TMTC2: variants seen among roughly 807,000 people sequenced by gnomAD.
The protein encoded by TMTC2 is protein O-mannosyl-transferase TMTC2.
A neutral mutation model predicts 82.4 loss-of-function variants in TMTC2; 43 were observed. That is an observed-to-expected ratio of 0.52 (90% CI 0.41 to 0.67). The LOEUF (loss-of-function observed/expected upper bound fraction) is 0.67. Ranked by LOEUF, TMTC2 falls within the 30% of genes least tolerant of loss-of-function variation. TMTC2 has a pLI of 0.00. For missense variants in TMTC2, 919 were observed against 1,012.4 expected, an observed-to-expected ratio of 0.91 and a Z score of 1.25; for synonymous variants, 408 against 381.9, an observed-to-expected ratio of 1.07 and a Z score of -0.80.
At chr12:83,079,596 T>G (rs1045101363) in intron 11 of TMTC2, among the ~76,000 whole-genome samples, 2 of 152,132 alleles carry the variant, frequency 1.3e-5, no homozygotes, top group Non-Finnish European at 2.9e-5. Context: ...ATCAGCAAAT[T>G]AGACAGACCA....
chr12:82,691,239 A>G (rs914858032), intron 1 of TMTC2, among the ~76,000 whole-genome samples: 1 of 152,154 alleles, frequency 6.6e-6, no homozygotes, highest in Non-Finnish European at 1.5e-5. Flanking sequence ...CTGAAAATTT[A>G]TTTTCTTATT....
At chr12:82,976,515 A>G (rs1054835908) in intron 7 of TMTC2, among the ~76,000 whole-genome samples, 1 of 152,084 alleles carries the variant, frequency 6.6e-6, no homozygotes, top group Non-Finnish European at 1.5e-5. Flanking sequence ...AGAGTTGTAT[A>G]TTGAATCTTT....
chr12:82,763,519 C>G (rs1224563162), intron 1 of TMTC2, among the ~76,000 whole-genome samples: 1 of 152,174 alleles, frequency 6.6e-6, no homozygotes, highest in Non-Finnish European at 1.5e-5. Flanking sequence ...ATACCCAGCT[C>G]TGGTCTTTTA....
At chr12:82,938,865 T>C (rs889028030) in intron 4 of TMTC2, among the ~76,000 whole-genome samples, 1 of 152,210 alleles carries the variant, frequency 6.6e-6, no homozygotes, top group Admixed American at 6.5e-5. Flanking sequence ...CTCATGTCCT[T>C]TTCCTCCTCT....
intron 3 of TMTC2, among the ~76,000 whole-genome samples, chr12:82,914,344 A>G (rs760089449): frequency 2.0e-5 from 3 of 151,928 alleles, no homozygotes; most frequent in Non-Finnish European, 4.4e-5. Flanking sequence ...TCTTTTCTCT[A>G]GTATTTACTT....
At chr12:82,842,350 G>T (rs542248030) in intron 1 of TMTC2, among the ~76,000 whole-genome samples, 1 of 152,146 alleles carries the variant, frequency 6.6e-6, no homozygotes, top group East Asian at 1.9e-4. Context: ...GCCCCATTGA[G>T]TGATTCAAAT....
chr12:82,927,678 A>G (rs1340416918), intron 3 of TMTC2, among the ~76,000 whole-genome samples: 1 of 152,204 alleles, frequency 6.6e-6, no homozygotes, highest in Non-Finnish European at 1.5e-5. Flanking sequence ...ATGTTGTCTT[A>G]TTTTAAGAAA....
At position 82,896,702 on chromosome 12, in the gene TMTC2, A is replaced by G. The variant is rs866290626; in HGVS notation, c.1483+56A>G. The G allele has an allele frequency of 4.3e-5, 60 of 1,389,102 alleles. 1 individual carries two copies. The Middle Eastern group carries it at 5.0e-3, about 116-fold the overall frequency. 86.0% of individuals were successfully genotyped at this position (1,389,102 alleles called of 1,614,324 possible). ...TAGTTTACACTTTCAGCCTCTTTAT[A>G]TCTTTGCTTCTTGTCTTAAAACACA... On this transcript the variant is annotated intron_variant, in intron 3 of 11. Transcript: ENST00000321196.
At chr12:82,881,346 C>A (rs918133025) in intron 2 of TMTC2, among the ~76,000 whole-genome samples, 14 of 152,284 alleles carry the variant, frequency 9.2e-5, no homozygotes, top group South Asian at 2.1e-4. Flanking sequence ...TGTGTATTAA[C>A]TTTCCGACAT....
chr12:82,864,892 C>T (rs1173315602), intron 2 of TMTC2, among the ~76,000 whole-genome samples: 1 of 151,500 alleles, frequency 6.6e-6, no homozygotes, highest in African/African-American at 2.4e-5. Context: ...TATTATTCTA[C>T]AGTCCTCATA....
intron 3 of TMTC2, among the ~76,000 whole-genome samples, chr12:82,908,909 C>G (rs960156791): frequency 1.3e-5 from 2 of 152,042 alleles, no homozygotes; most frequent in African/African-American, 4.8e-5. Context: ...TCAATTGGTA[C>G]AATGTTACAC....
chr12:83,120,090 AT>A (rs1327805990), intron 11 of TMTC2, among the ~76,000 whole-genome samples: 2 of 152,196 alleles, frequency 1.3e-5, no homozygotes, highest in African/African-American at 2.4e-5. Context: ...ACATTCTGCA[AT>A]TCTGTATCTT....
intron 1 of TMTC2, among the ~76,000 whole-genome samples, chr12:82,771,522 T>A (rs1338564505): frequency 6.6e-6 from 1 of 152,210 alleles, no homozygotes; most frequent in Admixed American, 6.5e-5. Flanking sequence ...TTTTTTTAAC[T>A]GCTTAGTCAC....
At chr12:82,719,361 G>T (rs922367619) in intron 1 of TMTC2, among the ~76,000 whole-genome samples, 1 of 151,736 alleles carries the variant, frequency 6.6e-6, no homozygotes, top group South Asian at 2.1e-4. Context: ...CAAAGTGCTG[G>T]GATTGCAGGC....
intron 1 of TMTC2, among the ~76,000 whole-genome samples, chr12:82,793,985 T>G (rs1878586947): frequency 6.6e-6 from 1 of 152,130 alleles, no homozygotes; most frequent in Non-Finnish European, 1.5e-5. Flanking sequence ...CAATATCAAC[T>G]GCTTTGTGCC....
chr12:82,877,968 T>C (rs952500870), intron 2 of TMTC2, among the ~76,000 whole-genome samples: 5 of 152,190 alleles, frequency 3.3e-5, no homozygotes, highest in African/African-American at 1.2e-4. Flanking sequence ...GAACCCCCAC[T>C]CTATATTGTT....
At chr12:82,744,249 C>A (rs1205277549) in intron 1 of TMTC2, among the ~76,000 whole-genome samples, 1 of 152,178 alleles carries the variant, frequency 6.6e-6, no homozygotes, top group South Asian at 2.1e-4. Flanking sequence ...CATGGTGAAA[C>A]CCCATCTCTA....
intron 1 of TMTC2, among the ~76,000 whole-genome samples, chr12:82,799,485 G>C (rs186607564): frequency 2.0e-5 from 3 of 152,116 alleles, no homozygotes; most frequent in Non-Finnish European, 4.4e-5. Context: ...CAGGACTACT[G>C]TAGCAAAGTA....
intron 11 of TMTC2, among the ~76,000 whole-genome samples, chr12:83,118,600 T>C (rs1884846424): frequency 1.3e-5 from 2 of 152,188 alleles, no homozygotes; most frequent in South Asian, 4.1e-4. Flanking sequence ...TTTTAGCATC[T>C]GTGTTCATCA....
Sources: allele counts gnomAD v4.1 joint callset (sites outside exome capture counted in the v4.1 genomes callset), GRCh38; gene constraint gnomAD v4.1.1; transcripts MANE v1.5; gene names NCBI Gene and HGNC (gene_info 2026-07-23, HGNC 2026-07-21).